The following TMEM132D variants were observed in gnomAD, a reference collection of about 807,000 sequenced individuals.
TMEM132D encodes mature OL transmembrane protein.
Under a neutral mutation model 62.3 loss-of-function variants are expected in TMEM132D, and 21 were observed. The ratio of observed to expected loss-of-function variants is 0.34; its 90% CI spans 0.24 to 0.49. The LOEUF is 0.49. Among genes scored for constraint, TMEM132D ranks in the 20% least tolerant of loss-of-function variants. TMEM132D has a pLI of 0.99. For synonymous variants in TMEM132D, 621 were observed against 575.6 expected (o/e 1.08, Z -1.13); for missense variants, 1,346 against 1,402.8 (o/e 0.96, Z 0.65).
chr12:129,593,492 G>A (rs1324403428), intron 2 of TMEM132D, among the ~76,000 whole-genome samples: 1 of 152,202 alleles, frequency 6.6e-6, no homozygotes, highest in Non-Finnish European at 1.5e-5. Flanking sequence ...CTTGAAGGCT[G>A]GGAAAAGTTT....
At chr12:129,622,448 A>C (rs1879099643) in intron 2 of TMEM132D, among the ~76,000 whole-genome samples, 2 of 152,268 alleles carry the variant, frequency 1.3e-5, no homozygotes, top group South Asian at 4.1e-4. Context: ...ATTTTGGGGA[A>C]CGTATACCTA....
At chr12:129,829,449 G>A (rs1593178625) in intron 1 of TMEM132D, among the ~76,000 whole-genome samples, 1 of 152,072 alleles carries the variant, frequency 6.6e-6, no homozygotes, top group East Asian at 1.9e-4. Context: ...TATGGGATTG[G>A]CAAGGTGGAG....
At chr12:129,656,081 C>A (rs749469292) in intron 2 of TMEM132D, among the ~76,000 whole-genome samples, 8 of 152,130 alleles carry the variant, frequency 5.3e-5, no homozygotes, top group Non-Finnish European at 1.0e-4. Context: ...GAGTGCAACC[C>A]CAACCATTAT....
In TMEM132D at chr12:129,447,605, A is replaced by G. The variant is rs573412710; in HGVS notation, c.1115+83454T>C. Among the ~76,000 whole-genome samples the G allele has an allele frequency of 5.9e-5, 9 of 152,252 alleles. No homozygotes were observed. In the East Asian group the frequency reaches 1.2e-3, roughly 20 times the overall value. ...TCCTTGAGGTAACCAGAATGATGGG[A>G]AAAAAAGCTGAAAAGAGGTTAACTT... On this transcript the variant is annotated intron_variant, in intron 3 of 8. Coordinates refer to ENST00000422113, the MANE Select transcript of TMEM132D (RefSeq NM_133448.3).
At chr12:129,510,954 A>G (rs1875480276) in intron 3 of TMEM132D, among the ~76,000 whole-genome samples, 1 of 152,150 alleles carries the variant, frequency 6.6e-6, no homozygotes, top group African/African-American at 2.4e-5. Flanking sequence ...ACTATAGCTC[A>G]GTAGTATAAT....
chr12:129,294,118 G>C (rs1881513551), intron 4 of TMEM132D, among the ~76,000 whole-genome samples: 1 of 152,152 alleles, frequency 6.6e-6, no homozygotes, highest in South Asian at 2.1e-4. Context: ...TCCATATATG[G>C]ATCATCAATA....
intron 4 of TMEM132D, among the ~76,000 whole-genome samples, chr12:129,290,780 G>T (rs891741954): frequency 1.3e-5 from 2 of 152,298 alleles, no homozygotes; most frequent in East Asian, 1.9e-4. Flanking sequence ...AGTCTGTTAA[G>T]TTGTTGACCT....
At chr12:129,076,089 T>TTCTCTCTC (rs1432167242) in intron 8 of TMEM132D, among the ~76,000 whole-genome samples, 3 of 126,614 alleles carry the variant, frequency 2.4e-5, no homozygotes, top group African/African-American at 1.2e-4. Flanking sequence ...CAGCCAGCAT[T>TTCTCTCTC]ACTCTCTCTC....
intron 4 of TMEM132D, among the ~76,000 whole-genome samples, chr12:129,230,529 G>A (rs770111284): frequency 4.6e-5 from 7 of 152,208 alleles, no homozygotes; most frequent in Admixed American, 6.5e-5. Flanking sequence ...CTGAAACTAC[G>A]GAGAAATTTA....
intron 3 of TMEM132D, among the ~76,000 whole-genome samples, chr12:129,471,257 G>A (rs1256475097): frequency 2.0e-5 from 3 of 147,224 alleles, no homozygotes; most frequent in Non-Finnish European, 4.5e-5. Context: ...ACCCTGCATT[G>A]AGCAAGTCTA....
intron 5 of TMEM132D, among the ~76,000 whole-genome samples, chr12:129,108,150 C>G (rs1875564026): frequency 6.6e-6 from 1 of 152,122 alleles, no homozygotes; most frequent in Non-Finnish European, 1.5e-5. Flanking sequence ...GGTGTGGGGA[C>G]AGTTATGTCC....
At chr12:129,650,604 C>A (rs569376737) in intron 2 of TMEM132D, among the ~76,000 whole-genome samples, 172 of 152,324 alleles carry the variant, frequency 1.1e-3, no homozygotes, top group Non-Finnish European at 1.9e-3. Flanking sequence ...TGCTTCGTTT[C>A]ATCACCAACA....
chr12:129,112,421 G>A (rs771867765), intron 5 of TMEM132D, among the ~76,000 whole-genome samples: 10 of 152,182 alleles, frequency 6.6e-5, no homozygotes, highest in Non-Finnish European at 1.2e-4. Flanking sequence ...CAGCACTTTG[G>A]GAGGCCAAGG....
At chr12:129,728,405 T>G (rs1593138137) in intron 1 of TMEM132D, among the ~76,000 whole-genome samples, 1 of 152,324 alleles carries the variant, frequency 6.6e-6, no homozygotes, top group East Asian at 1.9e-4. Context: ...ATCTGAGTAA[T>G]TATAATTAAT....
rs1287811719 is a variant in TMEM132D at position 129,787,549 on chromosome 12, T to A, written c.80-86851A>T. On this transcript the variant is annotated intron_variant, in intron 1 of 8. Coordinates refer to ENST00000422113, the MANE Select transcript of TMEM132D (RefSeq NM_133448.3). ...GCCCGAATTAAATGGAAAGTAGAAA[T>A]AATAGTTAATTCTCTTTCCCAAAAC... Among the ~76,000 whole-genome samples, 3 of 152,170 alleles carry A rather than the reference T, an allele frequency of 2.0e-5. No homozygotes were observed. In the East Asian group the frequency reaches 5.8e-4, roughly 29 times the overall value.
intron 2 of TMEM132D, among the ~76,000 whole-genome samples, chr12:129,587,487 C>T (rs1052579077): frequency 9.2e-4 from 140 of 152,134 alleles, no homozygotes; most frequent in African/African-American, 3.3e-3. Context: ...AACAAACCCC[C>T]ATGACACGAG....
intron 2 of TMEM132D, among the ~76,000 whole-genome samples, chr12:129,632,484 T>C (rs1261744844): frequency 6.6e-6 from 1 of 152,218 alleles, no homozygotes; most frequent in Non-Finnish European, 1.5e-5. Flanking sequence ...TCTTCGGAGT[T>C]CTGTCTTCAA....
intron 1 of TMEM132D, among the ~76,000 whole-genome samples, chr12:129,895,963 C>CT (rs957389211): frequency 0.033 from 3,220 of 97,346 alleles, 74 homozygotes; most frequent in African/African-American, 0.066. Flanking sequence ...CTCTGTCTCT[C>CT]TTTTTTTTTT....
chr12:129,174,524 T>A (rs1052478370), intron 5 of TMEM132D, among the ~76,000 whole-genome samples: 4 of 152,218 alleles, frequency 2.6e-5, no homozygotes, highest in African/African-American at 9.7e-5. Context: ...TTGTAAATAG[T>A]GCTGCAATTA....
Sources: gnomAD v4.1 joint callset for allele counts (sites outside exome capture counted in the v4.1 genomes callset) on GRCh38, gnomAD v4.1.1 for gene constraint, MANE v1.5 for transcripts, NCBI Gene and HGNC (gene_info 2026-07-23, HGNC 2026-07-21) for gene names.